SRD5A3: variants seen among roughly 807,000 people sequenced by gnomAD.
The protein encoded by SRD5A3 is steroid 5 alpha-reductase 3, also known as polyprenal reductase.
SRD5A3 carries 24 observed loss-of-function variants against 34.3 expected under a neutral mutation model. The ratio of observed to expected loss-of-function variants is 0.70; its 90% CI spans 0.51 to 0.99. SRD5A3 has a LOEUF of 0.99. Ranked by LOEUF, SRD5A3 falls within the 50% of genes least tolerant of loss-of-function variation. SRD5A3 has a pLI of 0.00. For synonymous variants in SRD5A3, 161 were observed against 167.3 expected (o/e 0.96, Z 0.29); for missense variants, 350 against 388.2 (o/e 0.90, Z 0.83).
intron 1 of SRD5A3, among the ~76,000 whole-genome samples, chr4:55,358,415 G>C (rs1238852819): frequency 6.6e-6 from 1 of 151,754 alleles, no homozygotes; most frequent in South Asian, 2.1e-4. Context: ...ACAAGCCTGT[G>C]GTCCCAGCTA....
At chr4:55,354,773 T>C (rs571681194) in intron 1 of SRD5A3, among the ~76,000 whole-genome samples, 1 of 152,382 alleles carries the variant, frequency 6.6e-6, no homozygotes, top group South Asian at 2.1e-4. Flanking sequence ...GTTTTCTCAG[T>C]AGCAGTTATC....
At chr4:55,368,706 G>A (rs779531296) in intron 4 of SRD5A3, among the ~76,000 whole-genome samples, 7 of 144,530 alleles carry the variant, frequency 4.8e-5, no homozygotes, top group Admixed American at 2.8e-4. Flanking sequence ...GATTACAGGC[G>A]TGCACCACTA....
intron 1 of SRD5A3, among the ~76,000 whole-genome samples, chr4:55,354,782 T>C (rs1578203709): frequency 6.6e-6 from 1 of 152,354 alleles, no homozygotes; most frequent in East Asian, 1.9e-4. Flanking sequence ...GTAGCAGTTA[T>C]CACCTGACAT....
At chr4:55,356,162 G>A (rs1195622750) in intron 1 of SRD5A3, among the ~76,000 whole-genome samples, 2 of 151,472 alleles carry the variant, frequency 1.3e-5, no homozygotes, top group African/African-American at 4.9e-5. Context: ...GCGTGTGCCA[G>A]CATGCCTGGC....
chr4:55,350,606 A>G (rs954563556), intron 1 of SRD5A3, among the ~76,000 whole-genome samples: 2 of 152,170 alleles, frequency 1.3e-5, no homozygotes, highest in Non-Finnish European at 2.9e-5. Context: ...AACATATCCA[A>G]TACTTCAAAT....
At chr4:55,367,305 G>A (rs1719936594) in intron 3 of SRD5A3, 1 of 511,524 alleles carries the variant, frequency 2.0e-6, no homozygotes, top group African/African-American at 1.9e-5. Context: ...GAATGTGTCT[G>A]TGTGGAATTC....
In SRD5A3 at chr4:55,364,089, T is replaced by C. The variant is rs756027521; in HGVS notation, c.380T>C (p.Leu127Pro). 19 of 1,614,138 alleles carry C rather than the reference T, an allele frequency of 1.2e-5. No homozygotes were observed. The highest frequency in any genetic ancestry group is 3.3e-4 in the Middle Eastern group (2 of 6,084). The stretch of plus-strand genomic sequence containing the variant: ...TGAATTGTAGGAGGGGAGCTGGCAC[T>C]GTCTGCATTCTTAGTGCTAGTATTT... The part of the protein sequence containing the change: ...AAQFQGGELA[L>P]SAFLVLVFLW... Residue 127 changes from leucine to proline, a missense_variant, in exon 3 of 5, where the codon CTG (leucine) becomes CCG (proline). By Grantham distance (98) the Leu-to-Pro change is moderately conservative. This residue lies in a region of SRD5A3 where 5 missense variants were observed against 17.8 expected (regional missense o/e 0.28). Coordinates refer to ENST00000264228, the MANE Select transcript of SRD5A3 (RefSeq NM_024592.5).
At chr4:55,362,695 G>A (rs1035354245) in intron 2 of SRD5A3, among the ~76,000 whole-genome samples, 5 of 151,846 alleles carry the variant, frequency 3.3e-5, no homozygotes, top group Admixed American at 6.6e-5. Flanking sequence ...CTGGTCTCAA[G>A]CGATCCTCCA....
intron 1 of SRD5A3, among the ~76,000 whole-genome samples, chr4:55,355,163 A>C (rs1289629497): frequency 6.6e-6 from 1 of 152,204 alleles, no homozygotes; most frequent in Non-Finnish European, 1.5e-5. Flanking sequence ...GTTCTAAAGA[A>C]TCGAAAATGT....
At position 55,369,985 on chromosome 4, in the gene SRD5A3, T is replaced by G. The variant is rs746726949; in HGVS notation, c.851T>G (p.Val284Gly). 1 of 1,614,172 alleles carries G rather than the reference T, an allele frequency of 6.2e-7. No individual in the cohort carries two copies. The highest frequency in any genetic ancestry group is 1.1e-5 in the South Asian group (1 of 91,086). Residue 284 changes from valine (V) to glycine (G), a missense_variant, in exon 5 of 5, where the codon GTC becomes GGC. Val to Gly is a moderately radical substitution (Grantham distance 109). Transcript: ENST00000264228. Reference protein sequence around the residue: ...NLTWWLVVTNVFFNQALSAFL... With the variant: ...NLTWWLVVTNGFFNQALSAFL... ...ACTTGGTGGCTAGTGGTGACAAATG[T>G]CTTCTTTAATCAGGCCCTGTCTGCC...
chr4:55,364,547 C>G (rs1055688348), intron 3 of SRD5A3: 6 of 411,352 alleles, frequency 1.5e-5, no homozygotes, highest in African/African-American at 2.1e-5. Flanking sequence ...TCTGTCTCTA[C>G]TAAAAATTAA....
rs1487808056 is a variant in SRD5A3, at chr4:55,359,488, G to T, written c.364G>T (p.Gly122Ter). The change falls in exon 2 of 5, where the codon GGA (glycine) becomes TGA (stop). Residue 122 changes from glycine to a stop codon, truncating the protein, a stop_gained and splice_region_variant. Coordinates refer to ENST00000264228, the MANE Select transcript of SRD5A3 (RefSeq NM_024592.5). LOFTEE classifies it high-confidence loss of function. ...LRILGAAQFQ[G>*]GELALSAFLV... ...AATTCTCGGGGCGGCACAGTTCCAG[G>T]GTAAGGACTCCCTGGGCTTATGACA... 5 of 1,613,822 alleles carry T rather than the reference G, an allele frequency of 3.1e-6. No homozygotes were observed. The highest frequency in any genetic ancestry group is 4.2e-6 in the Non-Finnish European group (5 of 1,180,008).
chr4:55,367,190 A>G (rs1256166142), intron 3 of SRD5A3: 1 of 263,956 alleles, frequency 3.8e-6, no homozygotes, highest in Non-Finnish European at 7.3e-6. Flanking sequence ...AGAAGACTTA[A>G]AACTGGACTT....
intron 2 of SRD5A3, among the ~76,000 whole-genome samples, chr4:55,361,442 G>A (rs1165940054): frequency 1.4e-5 from 2 of 142,636 alleles, no homozygotes; most frequent in South Asian, 2.2e-4. Context: ...AGATTGTAAC[G>A]TTGCACTCTA....
intron 1 of SRD5A3, among the ~76,000 whole-genome samples, chr4:55,354,659 A>C (rs778427460): frequency 8.5e-5 from 13 of 152,062 alleles, no homozygotes; most frequent in Non-Finnish European, 1.6e-4. Context: ...ACTTGCTGTA[A>C]TTCTACTCAA....
intron 1 of SRD5A3, chr4:55,352,235 T>C: frequency 1.1e-6 from 1 of 933,638 alleles, no homozygotes; most frequent in Non-Finnish European, 1.8e-6. Flanking sequence ...GTGTATTATA[T>C]TGGAAAAATA....
intron 1 of SRD5A3, among the ~76,000 whole-genome samples, chr4:55,353,566 C>G (rs1719290198): frequency 6.6e-6 from 1 of 152,222 alleles, no homozygotes; most frequent in Admixed American, 6.5e-5. Context: ...AGGCTGTATT[C>G]TTTTGCTCTT....
intron 1 of SRD5A3, among the ~76,000 whole-genome samples, chr4:55,353,574 C>T (rs541753756): frequency 6.6e-6 from 1 of 152,198 alleles, no homozygotes; most frequent in Admixed American, 6.5e-5. Context: ...TTCTTTTGCT[C>T]TTCACGGTAA....
At chr4:55,364,015 C>T in intron 2 of SRD5A3, 59 bp from the exon 3 acceptor site, 1 of 1,587,206 alleles carries the variant, frequency 6.3e-7, no homozygotes, top group South Asian at 1.1e-5. Context: ...TACAGAAAAA[C>T]AAAACTTTGG....
Sources: allele counts gnomAD v4.1 joint callset (sites outside exome capture counted in the v4.1 genomes callset), GRCh38; gene constraint gnomAD v4.1.1; regional missense constraint gnomAD v4.1.1; transcripts MANE v1.5; gene names NCBI Gene and HGNC (gene_info 2026-07-23, HGNC 2026-07-21).